Variants in KIAA1217 observed in about 807,000 individuals in gnomAD.
The protein encoded by KIAA1217 is KIAA1217, also known as sickle tail protein homolog.
Under a neutral mutation model 163.9 loss-of-function variants are expected in KIAA1217, and 88 were observed. The observed-to-expected ratio is 0.54, with a 90% confidence interval of 0.45 to 0.64. The LOEUF (loss-of-function observed/expected upper bound fraction) is 0.64, where lower values mean the gene tolerates loss of function less well. Among genes scored for constraint, KIAA1217 ranks in the 30% least tolerant of loss-of-function variants. The pLI is 0.00. For missense variants in KIAA1217, 2,372 were observed against 2,475.0 expected (o/e 0.96, Z 0.88); for synonymous variants, 903 against 923.1 (o/e 0.98, Z 0.39).
chr10:24,259,846 C>G (rs567031108), intron 2 of KIAA1217, among the ~76,000 whole-genome samples: 75 of 152,274 alleles, frequency 4.9e-4, no homozygotes, highest in African/African-American at 1.8e-3. Flanking sequence ...AGCCAACAAA[C>G]CTCCACTTCC....
At chr10:24,085,683 G>A (rs2061675505) in intron 2 of KIAA1217, among the ~76,000 whole-genome samples, 1 of 151,260 alleles carries the variant, frequency 6.6e-6, no homozygotes, top group South Asian at 2.1e-4. Context: ...AAAAAAAAAA[G>A]TGCTGGCTGG....
At chr10:24,461,523 T>A (rs2062408328) in intron 5 of KIAA1217, among the ~76,000 whole-genome samples, 4 of 152,032 alleles carry the variant, frequency 2.6e-5, no homozygotes, top group African/African-American at 7.2e-5. Context: ...ACTGGCTAGT[T>A]TTTTGTACTT....
At chr10:24,294,271 G>T (rs1260322339) in intron 2 of KIAA1217, among the ~76,000 whole-genome samples, 1 of 149,234 alleles carries the variant, frequency 6.7e-6, no homozygotes, top group Non-Finnish European at 1.5e-5. Flanking sequence ...ACATTTGCCT[G>T]CTTGGTTCAG....
chr10:24,281,259 T>C (rs1215442077), intron 2 of KIAA1217, among the ~76,000 whole-genome samples: 2 of 152,222 alleles, frequency 1.3e-5, no homozygotes, highest in African/African-American at 2.4e-5. Context: ...AAAGTTCATA[T>C]TCATTTTTTT....
intron 1 of KIAA1217, among the ~76,000 whole-genome samples, chr10:23,756,128 CTTT>C (rs374311551): frequency 2.9e-5 from 4 of 139,834 alleles, no homozygotes; most frequent in East Asian, 2.1e-4. Flanking sequence ...GGCTAATTTT[CTTT>C]TTTTTTTTTT....
upstream of KIAA1217, among the ~76,000 whole-genome samples, chr10:24,205,148 C>A (rs1286269693): frequency 1.3e-5 from 2 of 151,926 alleles, no homozygotes; most frequent in African/African-American, 4.8e-5. Flanking sequence ...GCAATGATTT[C>A]TCTGTTGAAA....
intron 2 of KIAA1217, among the ~76,000 whole-genome samples, chr10:24,278,720 C>T (rs1329418176): frequency 2.0e-5 from 3 of 152,172 alleles, no homozygotes; most frequent in Non-Finnish European, 4.4e-5. Flanking sequence ...CACTAGCGTG[C>T]TCTACAGTGT....
chr10:24,175,062 A>G (rs1381506428), intron 2 of KIAA1217, among the ~76,000 whole-genome samples: 4 of 151,510 alleles, frequency 2.6e-5, no homozygotes, highest in African/African-American at 4.9e-5. Context: ...GGGTCTCACT[A>G]TGTTGGCCAG....
chr10:23,796,101 C>T (rs904850182), intron 1 of KIAA1217, among the ~76,000 whole-genome samples: 2 of 151,996 alleles, frequency 1.3e-5, no homozygotes, highest in Non-Finnish European at 1.5e-5. Context: ...CTAAAGAAAC[C>T]TGGAATATAA....
intron 1 of KIAA1217, among the ~76,000 whole-genome samples, chr10:23,812,233 TAATG>T (rs1837098198): frequency 6.6e-6 from 1 of 152,224 alleles, no homozygotes; most frequent in Non-Finnish European, 1.5e-5. Flanking sequence ...TTAAAAAAGA[TAATG>T]AAGTAAGAAA....
chr10:24,211,525 A>G (rs1159634685), intron 1 of KIAA1217, among the ~76,000 whole-genome samples: 1 of 149,554 alleles, frequency 6.7e-6, no homozygotes, highest in African/African-American at 2.5e-5. Context: ...ACATGCCACC[A>G]TGCATGGTTG....
intron 2 of KIAA1217, among the ~76,000 whole-genome samples, chr10:24,053,388 T>G (rs912725622): frequency 2.6e-5 from 4 of 152,160 alleles, no homozygotes; most frequent in Non-Finnish European, 2.9e-5. Context: ...ATATTATGCT[T>G]GTGTCTGACA....
intron 2 of KIAA1217, among the ~76,000 whole-genome samples, chr10:24,012,465 A>C (rs1380094053): frequency 6.6e-6 from 1 of 152,164 alleles, no homozygotes; most frequent in Non-Finnish European, 1.5e-5. Flanking sequence ...TTTTGCATAG[A>C]ACTACTAAGC....
At chr10:24,055,539 T>C (rs1386680470) in intron 2 of KIAA1217, among the ~76,000 whole-genome samples, 1 of 152,170 alleles carries the variant, frequency 6.6e-6, no homozygotes, top group African/African-American at 2.4e-5. Flanking sequence ...CATTCTTACT[T>C]GTAATTTCAG....
intron 2 of KIAA1217, among the ~76,000 whole-genome samples, chr10:24,170,913 C>T (rs78643152): frequency 0.017 from 2,559 of 152,304 alleles, 24 homozygotes; most frequent in Middle Eastern, 0.058. Flanking sequence ...TGAACGCATG[C>T]CCAGTTGGGC....
intron 2 of KIAA1217, among the ~76,000 whole-genome samples, chr10:24,036,653 CAG>C (rs1848405646): frequency 1.3e-5 from 2 of 152,148 alleles, no homozygotes; most frequent in African/African-American, 4.8e-5. Context: ...CAGCAAGTGA[CAG>C]GGCAAGAGAG....
intron 9 of KIAA1217, among the ~76,000 whole-genome samples, chr10:24,511,286 G>A (rs1029174550): frequency 2.0e-5 from 3 of 152,086 alleles, no homozygotes; most frequent in Admixed American, 2.0e-4. Context: ...CCAGCGCCTG[G>A]AGAATGGGCT....
chr10:24,135,197 G>A (rs2063788604), intron 2 of KIAA1217, among the ~76,000 whole-genome samples: 1 of 152,184 alleles, frequency 6.6e-6, no homozygotes, highest in African/African-American at 2.4e-5. Flanking sequence ...AGAGGAGAAG[G>A]AGGATGGAGA....
chr10:24,159,718 G>A (rs1241104631), intron 2 of KIAA1217, among the ~76,000 whole-genome samples: 1 of 152,144 alleles, frequency 6.6e-6, no homozygotes, highest in Non-Finnish European at 1.5e-5. Flanking sequence ...GGGAGGCAGA[G>A]CTTGCAGTGA....
Sources: gnomAD v4.1 joint callset for allele counts (sites outside exome capture counted in the v4.1 genomes callset) on GRCh38, gnomAD v4.1.1 for gene constraint, MANE v1.5 for transcripts, NCBI Gene and HGNC (gene_info 2026-07-23, HGNC 2026-07-21) for gene names.